Variants in CA7 observed in about 807,000 individuals in gnomAD.
The protein encoded by CA7 is carbonate dehydratase VII.
In CA7, 13 loss-of-function variants were observed where a neutral mutation model predicts 31.4. The ratio of observed to expected loss-of-function variants is 0.41; its 90% CI spans 0.27 to 0.66. CA7 has a LOEUF of 0.66. CA7 is among the 30% of genes least tolerant of loss of function. CA7 has a pLI of 0.28. For missense variants in CA7, 215 were observed against 351.0 expected, an observed-to-expected ratio of 0.61 and a Z score of 3.10; for synonymous variants, 128 against 133.2, an observed-to-expected ratio of 0.96 and a Z score of 0.27.
intron 1 of CA7, chr16:66,844,857 G>A: frequency 9.7e-7 from 1 of 1,033,252 alleles, no homozygotes; most frequent in African/African-American, 1.7e-5. Flanking sequence ...CGTGCGCAGC[G>A]CGTGGGGGTG....
chr16:66,850,858 T>C (rs1043814923), intron 3 of CA7, among the ~76,000 whole-genome samples, 199 bp downstream of exon 3: 1 of 152,140 alleles, frequency 6.6e-6, no homozygotes, highest in African/African-American at 2.4e-5. Flanking sequence ...TCCTTCCTGG[T>C]CTGTGCGTCG....
Position 66,851,566 on chromosome 16 carries a change from G to A in CA7, c.453+8G>A. Reference sequence around the variant, plus strand: ...GTTGGTGTTTTTTTGGAGGTGAGTGGTGGTTTGCTGGGGCCTGGAGGGGCA... The same window carrying A: ...GTTGGTGTTTTTTTGGAGGTGAGTGATGGTTTGCTGGGGCCTGGAGGGGCA... On this transcript the variant is annotated splice_region_variant and intron_variant, in intron 4 of 6. Transcript: ENST00000338437. 1 of 1,614,118 alleles carries A rather than the reference G, an allele frequency of 6.2e-7. No individual in the cohort carries two copies. Among genetic ancestry groups the A allele is most frequent in the South Asian group, 1.1e-5 (1 of 91,080 alleles).
chr16:66,853,834 AC>A lies in CA7; in HGVS notation c.*337del. ...CCGAGCGCACACTGTGATGGAGGAG[AC>A]TGAGCTCCCTGGGGCGGGCAGCTGA... is the stretch of plus-strand genomic sequence containing the variant. On this transcript the variant is annotated 3_prime_UTR_variant, in exon 7 of 7. Coordinates refer to ENST00000338437, the MANE Select transcript of CA7 (RefSeq NM_005182.3). This position sits in a 1 kb window ranked among gnomAD's most constrained non-coding sequence, Gnocchi z 4.5. 1 of 272,168 alleles carries A rather than the reference AC, an allele frequency of 3.7e-6. No individual in the cohort carries two copies. Among genetic ancestry groups the A allele is most frequent in the Non-Finnish European group, 7.1e-6 (1 of 141,356 alleles). The allele number at this position is 272,168 out of a possible 1,614,324, so 16.9% of individuals were successfully genotyped here.
chr16:66,844,807 G>T, intron 1 of CA7: 2 of 847,196 alleles, frequency 2.4e-6, no homozygotes, highest in East Asian at 3.7e-5. Flanking sequence ...TGCCCAGCCC[G>T]CTCAGACCCA....
At chr16:66,848,591 A>G (rs1425221577) in intron 2 of CA7, among the ~76,000 whole-genome samples, 2 of 152,138 alleles carry the variant, frequency 1.3e-5, no homozygotes, top group Non-Finnish European at 2.9e-5. Flanking sequence ...GAAGCCAGTG[A>G]AAAGAGGAAT....
In CA7 at chr16:66,851,746, C is replaced by T. The variant is rs779737255; in HGVS notation, c.516+20C>T. On this transcript the variant is annotated intron_variant, in intron 5 of 6. Coordinates refer to ENST00000338437, the MANE Select transcript of CA7 (RefSeq NM_005182.3). Reference sequence around the variant, plus strand: ...TTCAAGGTAAAGTCCCTGCCCCTGACCCAAGCAGCCCGATGGGGAGAGAGG... The same window carrying T: ...TTCAAGGTAAAGTCCCTGCCCCTGATCCAAGCAGCCCGATGGGGAGAGAGG... 6.2e-7 allele frequency: 1 copy of T among 1,607,630 alleles called. No homozygotes were observed. The highest frequency in any genetic ancestry group is 1.1e-5 in the South Asian group (1 of 90,416).
intron 2 of CA7, among the ~76,000 whole-genome samples, chr16:66,848,798 A>G (rs1449766841): frequency 6.6e-6 from 1 of 152,104 alleles, no homozygotes; most frequent in Non-Finnish European, 1.5e-5. Context: ...AGCCCACACT[A>G]TAGGGTCCCA....
In CA7 at chr16:66,850,635, G is replaced by A. The variant is rs1961023607; in HGVS notation, c.333G>A (p.Val111=). The A allele has an allele frequency of 6.2e-7, 1 of 1,613,106 alleles. No individual in the cohort carries two copies. Among genetic ancestry groups the A allele is most frequent in the Non-Finnish European group, 8.5e-7 (1 of 1,179,088 alleles). ...ACGATGTGGGTTCTGAGCACACGGT[G>A]GACGGCAAGTCCTTCCCCAGCGAGG... ...KKHDVGSEHT[V]DGKSFPSELH... The change falls in exon 3 of 7, where the codon GTG becomes GTA. Residue 111 remains valine (V), a synonymous_variant. Coordinates refer to ENST00000338437, the MANE Select transcript of CA7 (RefSeq NM_005182.3).
At chr16:66,846,169 A>G (rs1368548800) in intron 1 of CA7, among the ~76,000 whole-genome samples, 1 of 144,404 alleles carries the variant, frequency 6.9e-6, no homozygotes, top group African/African-American at 2.8e-5. Flanking sequence ...GTGGGTGTGT[A>G]TGCAGGTGTG....
At chr16:66,845,980 G>A (rs1444828070) in intron 1 of CA7, among the ~76,000 whole-genome samples, 1 of 152,156 alleles carries the variant, frequency 6.6e-6, no homozygotes, top group Non-Finnish European at 1.5e-5. Flanking sequence ...ATCCATTGGG[G>A]ACACGGCTCT....
Position 66,852,760 on chromosome 16 carries a change from G to A in CA7, c.565G>A (p.Ala189Thr), listed in dbSNP as rs779391665. 2.5e-6 allele frequency: 4 copies of A among 1,613,990 alleles called. No homozygotes were observed. The highest frequency in any genetic ancestry group is 2.5e-6 in the Non-Finnish European group (3 of 1,179,940). The change falls in exon 6 of 7, where the codon GCC (alanine) becomes ACC (threonine). Residue 189 changes from alanine to threonine, a missense_variant. Coordinates refer to ENST00000338437, the MANE Select transcript of CA7 (RefSeq NM_005182.3). ...CTTCAACCCCAAGTGCCTCCTGCCT[G>A]CCAGCCGGCACTACTGGACCTACCC... ...SCFNPKCLLP[A>T]SRHYWTYPGS...
intron 3 of CA7, 45 bp from the exon 4 acceptor site, chr16:66,851,418 T>G (rs1961046210): frequency 6.8e-7 from 1 of 1,479,126 alleles, no homozygotes; most frequent in Admixed American, 1.7e-5. Flanking sequence ...AGAGTTCCCA[T>G]TGCCTCTGGG....
At position 66,845,012 on chromosome 16, in the gene CA7, G is replaced by A. The variant is rs1415628912; in HGVS notation, c.40+485G>A. Reference sequence around the variant, plus strand: ...GTCCCCCGGAGAGAATTTCCCCGCAGAAGTGGCCGAGCTGCCTTCTCGGCC... The same window carrying A: ...GTCCCCCGGAGAGAATTTCCCCGCAAAAGTGGCCGAGCTGCCTTCTCGGCC... On this transcript the variant is annotated intron_variant, in intron 1 of 6. Coordinates refer to ENST00000338437, the MANE Select transcript of CA7 (RefSeq NM_005182.3). 3 of 987,518 alleles carry A rather than the reference G, an allele frequency of 3.0e-6. No homozygotes were observed. The African/African-American group carries it at 5.2e-5, about 17-fold the overall frequency. 61.2% of individuals were successfully genotyped at this position (987,518 alleles called of 1,614,324 possible).
intron 2 of CA7, 49 bp downstream of exon 2, chr16:66,847,276 G>T (rs1285508998): frequency 1.9e-6 from 3 of 1,551,670 alleles, no homozygotes; most frequent in Non-Finnish European, 2.7e-6. Context: ...GCCCCTTAGG[G>T]TCCTAACCTT....
intron 5 of CA7, 32 bp from the exon 6 acceptor site, chr16:66,852,680 G>A (rs1419291991): frequency 1.3e-6 from 2 of 1,596,990 alleles, no homozygotes; most frequent in South Asian, 1.1e-5. Context: ...GGAGGTCTAT[G>A]CTGATTCCTG....
chr16:66,850,615 G>A lies in CA7; in HGVS notation c.313G>A (p.Val105Met). Residue 105 changes from valine to methionine, a missense_variant, in exon 3 of 7, where the codon GTG becomes ATG. By Grantham distance (21) the Val-to-Met change is conservative (BLOSUM62 1). Transcript: ENST00000338437. ...CTTCCACTGGGGCAAGAAGCACGAT[G>A]TGGGTTCTGAGCACACGGTGGACGG... ...FHFHWGKKHD[V>M]GSEHTVDGKS... 6 of 1,614,130 alleles carry A rather than the reference G, an allele frequency of 3.7e-6. No individual in the cohort carries two copies. Among genetic ancestry groups the A allele is most frequent in the Non-Finnish European group, 5.1e-6 (6 of 1,179,962 alleles).
At chr16:66,851,093 C>T (rs780436095) in intron 3 of CA7, among the ~76,000 whole-genome samples, 1 of 152,218 alleles carries the variant, frequency 6.6e-6, no homozygotes, top group Non-Finnish European at 1.5e-5. Context: ...GAATGCCTTT[C>T]CCCAAGGCTT....
Position 66,851,682 on chromosome 16 carries a change from A to G in CA7, c.472A>G (p.Ser158Gly), listed in dbSNP as rs749635386. The G allele has an allele frequency of 9.9e-6, 16 of 1,614,160 alleles. No homozygotes were observed. The highest frequency in any genetic ancestry group is 2.2e-5 in the East Asian group (1 of 44,870). The change falls in exon 5 of 7, where the codon AGC becomes GGC. Residue 158 changes from serine (S) to glycine (G), a missense_variant. Physicochemically the swap from Ser to Gly is moderately conservative, Grantham distance 56. Transcript: ENST00000338437. ...CTGACAGACAGGAGACGAGCACCCC[A>G]GCATGAATCGTCTGACAGATGCGCT... The part of the protein sequence containing the change: ...VFLETGDEHP[S>G]MNRLTDALYM...
intron 1 of CA7, 58 bp downstream of exon 1, chr16:66,844,585 C>T (rs1013617109): frequency 1.9e-5 from 27 of 1,414,880 alleles, no homozygotes; most frequent in Middle Eastern, 1.7e-4. Context: ...ACTGCACTCG[C>T]CCCAACCCTC....
Sources: gnomAD v4.1 joint callset for allele counts (sites outside exome capture counted in the v4.1 genomes callset) on GRCh38, gnomAD v4.1.1 for gene constraint, Gnocchi (gnomAD v3.1) non-coding constraint, MANE v1.5 for transcripts, NCBI Gene and HGNC (gene_info 2026-07-23, HGNC 2026-07-21) for gene names.